Variants in PIK3C2G observed in about 807,000 individuals in gnomAD.
The protein encoded by PIK3C2G is phosphatidylinositol-4-phosphate 3-kinase catalytic subunit type 2 gamma.
A neutral mutation model predicts 181.1 loss-of-function variants in PIK3C2G; 168 were observed. That is an observed-to-expected ratio of 0.93 (90% CI 0.82 to 1.05). PIK3C2G has a LOEUF of 1.05. Among genes scored for constraint, PIK3C2G ranks in the 50% least tolerant of loss-of-function variants. The pLI, the probability that PIK3C2G is intolerant of heterozygous loss-of-function variation, is 0.00. For synonymous variants in PIK3C2G, 573 were observed against 592.2 expected (o/e 0.97, Z 0.47); for missense variants, 1,869 against 1,732.8 (o/e 1.08, Z -1.40).
chr12:18,505,576 G>GTATATCAT (rs1312775007), intron 24 of PIK3C2G, 115 bp downstream of exon 24: 23 of 620,494 alleles, frequency 3.7e-5, no homozygotes, highest in Non-Finnish European at 4.8e-5. Flanking sequence ...AATCCCCCCA[G>GTATATCAT]GTAATATAAA....
chr12:18,640,311 T>G (rs1281918599), intron 31 of PIK3C2G, 118 bp from the exon 32 acceptor site: 33 of 773,930 alleles, frequency 4.3e-5, no homozygotes, highest in Non-Finnish European at 4.0e-6. Context: ...TATTTTCACA[T>G]CAACAAAGTG....
At chr12:18,278,788 T>A (rs971590988) in intron 1 of PIK3C2G, among the ~76,000 whole-genome samples, 2 of 152,162 alleles carry the variant, frequency 1.3e-5, no homozygotes, top group African/African-American at 4.8e-5. Flanking sequence ...TTTATTTGTT[T>A]ATAAACTAAG....
At chr12:18,545,441 A>C (rs1226106251) in intron 25 of PIK3C2G, among the ~76,000 whole-genome samples, 1 of 151,830 alleles carries the variant, frequency 6.6e-6, no homozygotes, top group Non-Finnish European at 1.5e-5. Flanking sequence ...TTATTGTAAG[A>C]GGGCCTTTAT....
Position 18,648,017 on chromosome 12 carries a change from A to C in PIK3C2G, c.4450A>C (p.Ser1484Arg). The change falls in exon 33 of 33, where the codon AGT (serine) becomes CGT (arginine). Residue 1484 changes from serine (S) to arginine (R), a missense_variant. Physicochemically the swap from Ser to Arg is moderately radical, Grantham distance 110. Coordinates refer to ENST00000538779, the MANE Select transcript of PIK3C2G (RefSeq NM_001288772.2). Reference sequence around the variant, plus strand: ...AGAAAAATGGTATCCATTAGGAAACAGTATAATTTGACCATTGCTATGAAC... The same window carrying C: ...AGAAAAATGGTATCCATTAGGAAACCGTATAATTTGACCATTGCTATGAAC... The part of the protein sequence containing the change: ...DKEKWYPLGN[S>R]II 6.3e-7 allele frequency: 1 copy of C among 1,591,856 alleles called. No individual in the cohort carries two copies. The highest frequency in any genetic ancestry group is 8.6e-7 in the Non-Finnish European group (1 of 1,168,412).
At chr12:18,413,640 T>A (rs921701967) in intron 16 of PIK3C2G, among the ~76,000 whole-genome samples, 3 of 152,094 alleles carry the variant, frequency 2.0e-5, no homozygotes, top group South Asian at 2.1e-4. Flanking sequence ...GCCTCATGAA[T>A]CTCCTAGCAG....
chr12:18,707,825 C>A, the PIK3C2G span, among the ~76,000 whole-genome samples: 1 of 152,128 alleles, frequency 6.6e-6, no homozygotes, highest in African/African-American at 2.4e-5. Context: ...GTCTCCACTG[C>A]TCAAAGCCTT....
At chr12:18,361,017 T>C (rs889444395) in intron 11 of PIK3C2G, among the ~76,000 whole-genome samples, 1 of 152,142 alleles carries the variant, frequency 6.6e-6, no homozygotes, top group African/African-American at 2.4e-5. Flanking sequence ...TACATTGATA[T>C]ATTGGCCGGC....
chr12:18,691,772 T>C, the PIK3C2G span, among the ~76,000 whole-genome samples: 1 of 152,160 alleles, frequency 6.6e-6, no homozygotes, highest in Non-Finnish European at 1.5e-5. Context: ...TCCAGTGTTG[T>C]AGGCAATTGC....
the PIK3C2G span, chr12:18,693,781 A>T: frequency 6.6e-7 from 1 of 1,513,388 alleles, no homozygotes; most frequent in Non-Finnish European, 9.2e-7. Flanking sequence ...ACCAAATAGA[A>T]ACTTTGGATC....
At chr12:18,308,319 C>T (rs1950502911) in intron 5 of PIK3C2G, among the ~76,000 whole-genome samples, 1 of 151,630 alleles carries the variant, frequency 6.6e-6, no homozygotes, top group African/African-American at 2.4e-5. Flanking sequence ...CTGGAACTAA[C>T]AATAAGCCAG....
chr12:18,458,033 T>C (rs1259441488), intron 18 of PIK3C2G, among the ~76,000 whole-genome samples: 1 of 152,228 alleles, frequency 6.6e-6, no homozygotes, highest in Admixed American at 6.5e-5. Context: ...CAATTTATTT[T>C]ACATCAATGT....
rs116590436 is a variant in PIK3C2G at position 18,552,215 on chromosome 12, A to G, written c.3590+5783A>G. On this transcript the variant is annotated intron_variant, in intron 26 of 32. Coordinates refer to ENST00000538779, the MANE Select transcript of PIK3C2G (RefSeq NM_001288772.2). ...GCACCACTGAGGGTTTGCAGACTCA[A>G]TTTCAGAAATTCTTTGTTCCCCTCA... 7.8e-3 allele frequency among the ~76,000 whole-genome samples: 1,189 copies of G among 152,166 alleles called. 14 individuals carry two copies. The highest frequency in any genetic ancestry group is 0.027 in the African/African-American group (1,126 of 41,544).
chr12:18,290,850 T>C lies in PIK3C2G; in HGVS notation c.762-5T>C. On this transcript the variant is annotated splice_polypyrimidine_tract_variant and splice_region_variant and intron_variant, in intron 3 of 32. Coordinates refer to ENST00000538779, the MANE Select transcript of PIK3C2G (RefSeq NM_001288772.2). ...TAAGTATTTTTCTTAACATATGTTT[T>C]TCAGAATCAGAGAAAGATATCATGC... The C allele has an allele frequency of 6.3e-7, 1 of 1,583,516 alleles. No homozygotes were observed. Among genetic ancestry groups the C allele is most frequent in the Non-Finnish European group, 8.7e-7 (1 of 1,154,464 alleles).
At chr12:18,281,744 C>T (rs1052230509) in intron 1 of PIK3C2G, among the ~76,000 whole-genome samples, 13 of 152,054 alleles carry the variant, frequency 8.5e-5, no homozygotes, top group Non-Finnish European at 1.9e-4. Flanking sequence ...TTTGAATAGA[C>T]TCATGAAACT....
At chr12:18,682,252 C>T in the PIK3C2G span, among the ~76,000 whole-genome samples, 24 of 152,008 alleles carry the variant, frequency 1.6e-4, no homozygotes, top group African/African-American at 5.3e-4. Context: ...AATAGTAAAA[C>T]ATGCTAGTTG....
At chr12:18,648,478 T>C (rs1459814111), downstream of PIK3C2G, 2 of 181,886 alleles carry the variant, frequency 1.1e-5, no homozygotes, top group African/African-American at 4.7e-5. Context: ...TACCTACTCA[T>C]AATCTTACTT....
the PIK3C2G span, among the ~76,000 whole-genome samples, chr12:18,726,301 A>G: frequency 4.6e-5 from 7 of 152,170 alleles, no homozygotes; most frequent in African/African-American, 1.7e-4. Context: ...ACATAAAATA[A>G]GAGTAATAAA....
chr12:18,272,429 T>C (rs1170780615), intron 1 of PIK3C2G, among the ~76,000 whole-genome samples: 2 of 152,192 alleles, frequency 1.3e-5, no homozygotes, highest in African/African-American at 4.8e-5. Context: ...TCTTGTGATA[T>C]TAGCAGTCAC....
chr12:18,441,472 GA>G (rs1310649182), intron 18 of PIK3C2G, among the ~76,000 whole-genome samples: 1 of 152,102 alleles, frequency 6.6e-6, no homozygotes, highest in Non-Finnish European at 1.5e-5. Flanking sequence ...GGGCAACATT[GA>G]TGAGACGGAA....
Sources: allele counts gnomAD v4.1 joint callset (sites outside exome capture counted in the v4.1 genomes callset), GRCh38; gene constraint gnomAD v4.1.1; transcripts MANE v1.5; gene names NCBI Gene and HGNC (gene_info 2026-07-23, HGNC 2026-07-21).